The following FUT6 variants were observed in gnomAD, a reference collection of about 807,000 sequenced individuals.
FUT6 encodes the protein 4-galactosyl-N-acetylglucosaminide 3-alpha-L-fucosyltransferase FUT6.
For missense variants in FUT6, 454 were observed against 494.6 expected (o/e 0.92, Z 0.78); for synonymous variants, 187 against 209.9 (o/e 0.89, Z 0.94).
Position 5,831,917 on chromosome 19 carries a change from C to T in FUT6, c.651G>A (p.Lys217=), listed in dbSNP as rs757991205. The T allele has an allele frequency of 6.2e-7, 1 of 1,613,940 alleles. No homozygotes were observed. The highest frequency in any genetic ancestry group is 8.5e-7 in the Non-Finnish European group (1 of 1,179,864). ...TGTGGGAGCGTCCGTACACGTCCAC[C>T]TTGAGATGGGCCTGCAGGCTCTGGT... ...RYYQSLQAHL[K]VDVYGRSHKP... The change falls in exon 3 of 3, where the codon AAG becomes AAA. Residue 217 remains lysine, a synonymous_variant. Coordinates refer to ENST00000318336, the MANE Select transcript of FUT6 (RefSeq NM_000150.4). The surrounding 1 kb of genome is among the most constrained non-coding windows in gnomAD (Gnocchi z 7.0).
chr19:5,834,938 C>T lies in FUT6; in HGVS notation c.-13+12G>A, dbSNP rs533632861. ...TGGAGGCTGGGAGGGACCCTTGGAC[C>T]ATGATAAGGACCTGCTGCCGCTCCC... On this transcript the variant is annotated intron_variant, in intron 2 of 2. Coordinates refer to ENST00000318336, the MANE Select transcript of FUT6 (RefSeq NM_000150.4). 1.3e-5 allele frequency: 2 copies of T among 152,420 alleles called. No individual in the cohort carries two copies. Among genetic ancestry groups the T allele is most frequent in the Admixed American group, 1.3e-4 (2 of 15,294 alleles). The allele number at this position is 152,420 out of a possible 1,614,324, so 9.4% of individuals were successfully genotyped here.
chr19:5,832,004 C>T lies in FUT6; in HGVS notation c.564G>A (p.Lys188=). The stretch of plus-strand genomic sequence containing the variant: ...ACACTGCCCAGGCCACCAGCTCGGT[C>T]TTGGCCGAGAGGTTGAGCGGTGGGT... ...PAHPPLNLSA[K]TELVAWAVSN... The change falls in exon 3 of 3, where the codon AAG becomes AAA. Residue 188 remains lysine, a synonymous_variant. Transcript: ENST00000318336. The surrounding 1 kb of genome is among the most constrained non-coding windows in gnomAD (Gnocchi z 4.3). 1.2e-6 allele frequency: 2 copies of T among 1,613,926 alleles called. No homozygotes were observed. The highest frequency in any genetic ancestry group is 8.5e-7 in the Non-Finnish European group (1 of 1,179,988).
rs763415422 is a variant in FUT6, at chr19:5,831,656, G to C, written c.912C>G (p.Tyr304Ter). ...DFQSPKDLAR[Y>*]LQELDKDHAR... ...CGTGGTCCTTGTCCAGCTCCTGCAG[G>C]TACCGGGCCAGGTCCTTGGGGCTCT... Residue 304 changes from tyrosine to a stop codon, truncating the protein, a stop_gained, in exon 3 of 3, where the codon TAC becomes TAG. Transcript: ENST00000318336. LOFTEE classifies it low-confidence loss of function (END_TRUNC). This position sits in a 1 kb window ranked among gnomAD's most constrained non-coding sequence, Gnocchi z 7.0. 3.1e-6 allele frequency: 5 copies of C among 1,612,872 alleles called. No individual in the cohort carries two copies. Among genetic ancestry groups the C allele is most frequent in the Non-Finnish European group, 3.4e-6 (4 of 1,179,940 alleles).
chr19:5,835,788 A>G (rs1392755602), intron 1 of FUT6, among the ~76,000 whole-genome samples: 1 of 152,186 alleles, frequency 6.6e-6, no homozygotes, highest in African/African-American at 2.4e-5. Flanking sequence ...AAAACAAAGC[A>G]ACTTTCTGTG....
Position 5,831,504 on chromosome 19 carries a change from G to T in FUT6, c.1064C>A (p.Ala355Glu), listed in dbSNP as rs150572233. The T allele has an allele frequency of 2.2e-4, 353 of 1,614,042 alleles. No homozygotes were observed. Among genetic ancestry groups the T allele is most frequent in the African/African-American group, 2.1e-3 (159 of 75,052 alleles). The change falls in exon 3 of 3, where the codon GCG (alanine) becomes GAG (glutamate). Residue 355 changes from alanine (A) to glutamate (E), a missense_variant. Physicochemically the swap from Ala to Glu is moderately radical, Grantham distance 107. Transcript: ENST00000318336. The surrounding 1 kb of genome is among the most constrained non-coding windows in gnomAD (Gnocchi z 7.0). ...ACCAGCCTCTCAGGTGAACCAAGCC[G>T]CTATGCCGCGTGTCTGGTACCTGGA... The part of the protein sequence containing the change: ...EESRYQTRGI[A>E]AWFT
chr19:5,838,471 C>T (rs1458020609), intron 1 of FUT6: 1 of 152,280 alleles, frequency 6.6e-6, no homozygotes, highest in African/African-American at 2.4e-5. Flanking sequence ...CAGAAAGACC[C>T]CTGCCTGCGA....
chr19:5,831,364 A>C lies in FUT6; in HGVS notation c.*124T>G. 6.2e-7 allele frequency: 1 copy of C among 1,608,270 alleles called. No individual in the cohort carries two copies. The highest frequency in any genetic ancestry group is 8.5e-7 in the Non-Finnish European group (1 of 1,178,664). On this transcript the variant is annotated 3_prime_UTR_variant, in exon 3 of 3. Coordinates refer to ENST00000318336, the MANE Select transcript of FUT6 (RefSeq NM_000150.4). This position sits in a 1 kb window ranked among gnomAD's most constrained non-coding sequence, Gnocchi z 7.0. ...TGAAGCTGCAACAGGTGACCGTCCC[A>C]GGCAGGTGAGTCCTCAGGCAGGTGA...
chr19:5,837,616 A>C (rs990150846), intron 1 of FUT6, among the ~76,000 whole-genome samples: 2 of 151,840 alleles, frequency 1.3e-5, no homozygotes, highest in Non-Finnish European at 2.9e-5. Flanking sequence ...AATACAAAAA[A>C]TTAGCCAGGC....
chr19:5,833,703 G>A (rs1453477070), intron 2 of FUT6, among the ~76,000 whole-genome samples: 1 of 150,778 alleles, frequency 6.6e-6, no homozygotes, highest in South Asian at 2.1e-4. Flanking sequence ...TGAGGCAGGA[G>A]AATCACTTGA....
Position 5,832,486 on chromosome 19 carries a change from C to T in FUT6, c.82G>A (p.Val28Met). 1 of 1,613,812 alleles carries T rather than the reference C, an allele frequency of 6.2e-7. No individual in the cohort carries two copies. Among genetic ancestry groups the T allele is most frequent in the Non-Finnish European group, 8.5e-7 (1 of 1,179,992 alleles). The change falls in exon 3 of 3, where the codon GTG becomes ATG. Residue 28 changes from valine to methionine, a missense_variant. Val to Met is a conservative substitution (Grantham distance 21). Coordinates refer to ENST00000318336, the MANE Select transcript of FUT6 (RefSeq NM_000150.4). The surrounding 1 kb of genome is among the most constrained non-coding windows in gnomAD (Gnocchi z 4.3). ...TTLLFQLLMAVCFFSYLRVSQ... is the reference protein window; with the variant it reads ...TTLLFQLLMAMCFFSYLRVSQ... Reference sequence around the variant, plus strand: ...ACACGCAGATAGGAGAAGAAACACACAGCCATCAGCAGCTGAAACAGCAGC... The same window carrying T: ...ACACGCAGATAGGAGAAGAAACACATAGCCATCAGCAGCTGAAACAGCAGC...
chr19:5,833,483 T>TG (rs1416441738), intron 2 of FUT6, among the ~76,000 whole-genome samples: 3 of 129,026 alleles, frequency 2.3e-5, no homozygotes, highest in African/African-American at 9.2e-5. Context: ...AATTCTATCT[T>TG]GGAAAAAAAA....
intron 2 of FUT6, among the ~76,000 whole-genome samples, chr19:5,833,610 G>A (rs112641207): frequency 0.042 from 6,423 of 151,542 alleles, 450 homozygotes; most frequent in African/African-American, 0.15. Flanking sequence ...CCTGGCCAAC[G>A]TGGTGAAACC....
Position 5,832,291 on chromosome 19 carries a change from T to G in FUT6, c.277A>C (p.Thr93Pro), listed in dbSNP as rs767908334. Reference protein sequence around the residue: ...MVPGTADCNITADRKVYPQAD... With the variant: ...MVPGTADCNIPADRKVYPQAD... ...TGTGGATACACCTTGCGGTCGGCAG[T>G]GATGTTGCAGTCAGCCGTGCCAGGC... Residue 93 changes from threonine to proline, a missense_variant, in exon 3 of 3, where the codon ACT becomes CCT. Physicochemically the swap from Thr to Pro is conservative, Grantham distance 38 (BLOSUM62 -1). Coordinates refer to ENST00000318336, the MANE Select transcript of FUT6 (RefSeq NM_000150.4). The surrounding 1 kb of genome is among the most constrained non-coding windows in gnomAD (Gnocchi z 4.3). 3.7e-6 allele frequency: 6 copies of G among 1,613,882 alleles called. No individual in the cohort carries two copies. The Admixed American group carries it at 1.0e-4, about 27-fold the overall frequency.
chr19:5,831,123 C>T lies in FUT6; in HGVS notation c.*365G>A. On this transcript the variant is annotated 3_prime_UTR_variant, in exon 3 of 3. Transcript: ENST00000318336. The surrounding 1 kb of genome is among the most constrained non-coding windows in gnomAD (Gnocchi z 7.0). Reference sequence around the variant, plus strand: ...AGGTGAGATTCAGTGTGGAAGGTCTCTGGGAGCAGGTCCCAGCAGGTAAAG... The same window carrying T: ...AGGTGAGATTCAGTGTGGAAGGTCTTTGGGAGCAGGTCCCAGCAGGTAAAG... The T allele has an allele frequency of 3.3e-6, 2 of 605,318 alleles. No individual in the cohort carries two copies. Among genetic ancestry groups the T allele is most frequent in the Non-Finnish European group, 5.9e-6 (2 of 341,744 alleles). The allele number at this position is 605,318 out of a possible 1,614,324, so 37.5% of individuals were successfully genotyped here.
chr19:5,832,041 C>A lies in FUT6; in HGVS notation c.527G>T (p.Gly176Val), dbSNP rs111494384. The change falls in exon 3 of 3, where the codon GGC (glycine) becomes GTC (valine). Residue 176 changes from glycine to valine, a missense_variant. Coordinates refer to ENST00000318336, the MANE Select transcript of FUT6 (RefSeq NM_000150.4). This position sits in a 1 kb window ranked among gnomAD's most constrained non-coding sequence, Gnocchi z 4.3. Reference protein sequence around the residue: ...TPYGWLEPWSGQPAHPPLNLS... With the variant: ...TPYGWLEPWSVQPAHPPLNLS... Reference sequence around the variant, plus strand: ...GTTGAGCGGTGGGTGGGCAGGCTGGCCGGACCACGGCTCCAGCCAGCCGTA... The same window carrying A: ...GTTGAGCGGTGGGTGGGCAGGCTGGACGGACCACGGCTCCAGCCAGCCGTA... The A allele has an allele frequency of 3.1e-5, 50 of 1,613,556 alleles. No homozygotes were observed. In the African/African-American group the frequency reaches 4.1e-4, roughly 13 times the overall value.
chr19:5,837,047 G>A (rs548951837), intron 1 of FUT6, among the ~76,000 whole-genome samples: 1 of 152,068 alleles, frequency 6.6e-6, no homozygotes, highest in South Asian at 2.1e-4. Context: ...ATGTTTGTTT[G>A]TTTGTTCTGA....
chr19:5,831,225 C>G lies in FUT6; in HGVS notation c.*263G>C. The G allele has an allele frequency of 1.2e-6, 1 of 817,878 alleles. No individual in the cohort carries two copies. Among genetic ancestry groups the G allele is most frequent in the East Asian group, 2.4e-5 (1 of 41,332 alleles). The allele number at this position is 817,878 out of a possible 1,614,324, so 50.7% of individuals were successfully genotyped here. ...GCAGGCCAGGCTTCCGCAGGGGACGCTCCTGGAAGCCAGCATGTGAAATCC... is the reference window on the plus strand; with the variant it reads ...GCAGGCCAGGCTTCCGCAGGGGACGGTCCTGGAAGCCAGCATGTGAAATCC... On this transcript the variant is annotated 3_prime_UTR_variant, in exon 3 of 3. Transcript: ENST00000318336. This position sits in a 1 kb window ranked among gnomAD's most constrained non-coding sequence, Gnocchi z 7.0.
intron 2 of FUT6, chr19:5,833,046 T>C (rs2057128792): frequency 5.8e-6 from 1 of 171,664 alleles, no homozygotes; most frequent in East Asian, 1.5e-4. Flanking sequence ...AGTAGACCTG[T>C]GGGAAAGGGT....
intron 2 of FUT6, chr19:5,834,335 C>G (rs2057150985): frequency 6.6e-6 from 1 of 152,524 alleles, no homozygotes. Context: ...GTGGGGCCAC[C>G]CAGAGACATG....
Sources: gnomAD v4.1 joint callset for allele counts (sites outside exome capture counted in the v4.1 genomes callset) on GRCh38, gnomAD v4.1.1 for gene constraint, Gnocchi (gnomAD v3.1) non-coding constraint, MANE v1.5 for transcripts, NCBI Gene and HGNC (gene_info 2026-07-23, HGNC 2026-07-21) for gene names.